Variants in SPOCK3 observed in about 807,000 individuals in gnomAD.
SPOCK3 encodes the protein SPARC (osteonectin), cwcv and kazal like domains proteoglycan 3, also known as testican-3.
In SPOCK3, 30 loss-of-function variants were observed where a neutral mutation model predicts 56.6. The observed-to-expected ratio is 0.53, with a 90% confidence interval of 0.40 to 0.72. SPOCK3 has a LOEUF of 0.72. Among genes scored for constraint, SPOCK3 ranks in the 30% least tolerant of loss-of-function variants. The probability of loss-of-function intolerance (pLI) is 0.00; values close to 1 mark genes in which losing one functional copy is unlikely to be tolerated. For synonymous variants in SPOCK3, 196 were observed against 183.3 expected, an observed-to-expected ratio of 1.07 and a Z score of -0.56; for missense variants, 527 against 530.0, an observed-to-expected ratio of 0.99 and a Z score of 0.06.
At chr4:166,740,305 A>G (rs531971499) in intron 9 of SPOCK3, among the ~76,000 whole-genome samples, 69 of 147,080 alleles carry the variant, frequency 4.7e-4, no homozygotes, top group Admixed American at 1.1e-3. Flanking sequence ...TGAAAGAATA[A>G]TGAAGGTAAC....
intron 2 of SPOCK3, among the ~76,000 whole-genome samples, chr4:167,179,055 G>T (rs1358263967): frequency 6.6e-6 from 1 of 152,100 alleles, no homozygotes; most frequent in Non-Finnish European, 1.5e-5. Context: ...CTTTTGTAAA[G>T]ATGACTGACT....
chr4:167,044,586 C>G (rs144899907), intron 3 of SPOCK3, among the ~76,000 whole-genome samples: 1 of 151,916 alleles, frequency 6.6e-6, no homozygotes, highest in African/African-American at 2.4e-5. Flanking sequence ...TTTCACTGCA[C>G]GCCACAAACA....
intron 2 of SPOCK3, among the ~76,000 whole-genome samples, chr4:167,175,084 T>C (rs1490283051): frequency 1.3e-5 from 2 of 152,152 alleles, no homozygotes; most frequent in East Asian, 3.9e-4. Flanking sequence ...CTCAAAATGA[T>C]GTAGTAACCG....
At chr4:166,849,631 AT>A (rs1748474784) in intron 6 of SPOCK3, among the ~76,000 whole-genome samples, 1 of 152,142 alleles carries the variant, frequency 6.6e-6, no homozygotes, top group Non-Finnish European at 1.5e-5. Context: ...CAGCATCATC[AT>A]TTTTTATGCA....
chr4:166,823,628 G>A (rs1745161580), intron 6 of SPOCK3, among the ~76,000 whole-genome samples: 1 of 152,072 alleles, frequency 6.6e-6, no homozygotes, highest in South Asian at 2.1e-4. Context: ...AGAGAAGAAT[G>A]AATTCTCACC....
chr4:167,154,033 G>C (rs1180287137), intron 2 of SPOCK3, among the ~76,000 whole-genome samples: 2 of 151,946 alleles, frequency 1.3e-5, no homozygotes, highest in African/African-American at 4.8e-5. Context: ...CTCTGTTAAG[G>C]ATCACGTACA....
chr4:167,116,921 ATATATATATATACTTTTGTGTATATG>A (rs1761474338), intron 2 of SPOCK3, among the ~76,000 whole-genome samples: 5 of 144,440 alleles, frequency 3.5e-5, no homozygotes, highest in Non-Finnish European at 7.5e-5. Context: ...GTGTATATAT[ATATATATATATACTTTTGTGTATATG>A]TATATATATA....
chr4:167,111,812 C>A (rs1235755198), intron 2 of SPOCK3, among the ~76,000 whole-genome samples: 1 of 151,470 alleles, frequency 6.6e-6, no homozygotes, highest in African/African-American at 2.4e-5. Context: ...GGCTGGAATG[C>A]AATGACATAA....
chr4:166,790,743 A>G (rs1025614557), intron 7 of SPOCK3, among the ~76,000 whole-genome samples: 2 of 152,184 alleles, frequency 1.3e-5, no homozygotes, highest in Admixed American at 6.5e-5. Context: ...CCATATCTGG[A>G]AGTGCGCATC....
chr4:166,800,108 G>A (rs958506982), intron 6 of SPOCK3, among the ~76,000 whole-genome samples: 3 of 149,254 alleles, frequency 2.0e-5, no homozygotes, highest in Non-Finnish European at 3.0e-5. Flanking sequence ...CGTGAACCCG[G>A]GAGGCGGAGC....
chr4:166,888,514 C>A (rs148327770), intron 6 of SPOCK3, among the ~76,000 whole-genome samples: 3 of 151,620 alleles, frequency 2.0e-5, no homozygotes, highest in Non-Finnish European at 4.4e-5. Context: ...ATAATGATAC[C>A]ATGTAAACTA....
intron 4 of SPOCK3, among the ~76,000 whole-genome samples, chr4:166,942,114 ACTTT>A (rs1741140951): frequency 6.6e-6 from 1 of 152,240 alleles, no homozygotes; most frequent in Non-Finnish European, 1.5e-5. Flanking sequence ...TCTCCCTTAG[ACTTT>A]CTAACAAAAT....
intron 2 of SPOCK3, among the ~76,000 whole-genome samples, chr4:167,208,023 T>C (rs1734522132): frequency 6.6e-6 from 1 of 152,140 alleles, no homozygotes; most frequent in Admixed American, 6.6e-5. Flanking sequence ...TTGATACTCT[T>C]ACTCAGGGCT....
intron 6 of SPOCK3, among the ~76,000 whole-genome samples, chr4:166,819,341 A>C (rs1744688625): frequency 6.6e-6 from 1 of 152,052 alleles, no homozygotes; most frequent in South Asian, 2.1e-4. Flanking sequence ...CTTACTACTT[A>C]CAGTCAACAT....
At chr4:167,146,878 C>T (rs547162530) in intron 2 of SPOCK3, among the ~76,000 whole-genome samples, 2 of 152,162 alleles carry the variant, frequency 1.3e-5, no homozygotes, top group Admixed American at 6.5e-5. Flanking sequence ...AAAACTGACA[C>T]CCTAACATCA....
At position 166,916,067 on chromosome 4, in the gene SPOCK3, A is replaced by T. The variant is rs559976273; in HGVS notation, c.351-3324T>A. Among the ~76,000 whole-genome samples, 5 of 152,302 alleles carry T rather than the reference A, an allele frequency of 3.3e-5. No homozygotes were observed. In the South Asian group the frequency reaches 1.0e-3, roughly 32 times the overall value. Reference sequence around the variant, plus strand: ...TGAGTTAAAAATTTATTTAGTTTATAACTGCATCCTATACAGGGTCACAAC... The same window carrying T: ...TGAGTTAAAAATTTATTTAGTTTATTACTGCATCCTATACAGGGTCACAAC... On this transcript the variant is annotated intron_variant, in intron 4 of 10. Transcript: ENST00000357545.
intron 2 of SPOCK3, among the ~76,000 whole-genome samples, chr4:167,175,785 G>C (rs1730933121): frequency 6.6e-6 from 1 of 152,016 alleles, no homozygotes; most frequent in South Asian, 2.1e-4. Context: ...AGAACTGTGA[G>C]AAAATAGATT....
intron 6 of SPOCK3, among the ~76,000 whole-genome samples, chr4:166,873,045 C>T (rs918108485): frequency 2.6e-5 from 4 of 152,082 alleles, no homozygotes; most frequent in African/African-American, 9.7e-5. Context: ...TTTCGGAGGG[C>T]ATTAGTCTCC....
intron 8 of SPOCK3, among the ~76,000 whole-genome samples, chr4:166,742,467 T>A (rs1025991653): frequency 6.6e-6 from 1 of 152,152 alleles, no homozygotes; most frequent in South Asian, 2.1e-4. Context: ...ATTCAACTAA[T>A]TGACTGCTGC....
Sources: allele counts gnomAD v4.1 joint callset (sites outside exome capture counted in the v4.1 genomes callset), GRCh38; gene constraint gnomAD v4.1.1; transcripts MANE v1.5; gene names NCBI Gene and HGNC (gene_info 2026-07-23, HGNC 2026-07-21).